Variants in RIPOR2 observed in about 807,000 individuals in gnomAD.
The protein encoded by RIPOR2 is RHO family interacting cell polarization regulator 2, also known as rho family-interacting cell polarization regulator 2.
A neutral mutation model predicts 114.5 loss-of-function variants in RIPOR2; 39 were observed. The ratio of observed to expected loss-of-function variants is 0.34; its 90% CI spans 0.26 to 0.44. RIPOR2 has a LOEUF of 0.44. Among genes scored for constraint, RIPOR2 ranks in the 20% least tolerant of loss-of-function variants. The pLI is 1.00. For synonymous variants in RIPOR2, 445 were observed against 484.4 expected (o/e 0.92, Z 1.07); for missense variants, 1,007 against 1,255.1 (o/e 0.80, Z 2.99).
chr6:24,980,596 C>G (rs1774245386), intron 1 of RIPOR2, among the ~76,000 whole-genome samples: 1 of 152,156 alleles, frequency 6.6e-6, no homozygotes, highest in South Asian at 2.1e-4. Context: ...GCCCCTCACA[C>G]CTATATGGTA....
chr6:25,008,398 G>A (rs924466708), intron 1 of RIPOR2, among the ~76,000 whole-genome samples: 1 of 152,196 alleles, frequency 6.6e-6, no homozygotes, highest in African/African-American at 2.4e-5. Flanking sequence ...CATAAGAGGG[G>A]TCAGTCAGAG....
chr6:24,807,529 T>C (rs1304998410), intron 21 of RIPOR2, among the ~76,000 whole-genome samples: 1 of 152,232 alleles, frequency 6.6e-6, no homozygotes, highest in African/African-American at 2.4e-5. Flanking sequence ...AAGTGCATTT[T>C]TGACTTAACA....
chr6:24,836,603 G>C (rs549629592), intron 14 of RIPOR2, among the ~76,000 whole-genome samples: 43 of 152,312 alleles, frequency 2.8e-4, no homozygotes, highest in African/African-American at 5.8e-4. Context: ...GATTTTGAGT[G>C]TCCTGGTTCA....
At chr6:25,023,482 G>A in intron 1 of RIPOR2, 1 of 768,482 alleles carries the variant, frequency 1.3e-6, no homozygotes, top group Non-Finnish European at 2.4e-6. Context: ...ACTTGGCGAT[G>A]CAGTGGCGGA....
intron 1 of RIPOR2, among the ~76,000 whole-genome samples, chr6:25,010,328 C>A (rs1223066786): frequency 6.6e-6 from 1 of 152,118 alleles, no homozygotes; most frequent in Non-Finnish European, 1.5e-5. Flanking sequence ...CTCCCCCTTT[C>A]CTCCTCTGTC....
intron 1 of RIPOR2, chr6:24,877,447 G>A: frequency 1.5e-6 from 1 of 649,288 alleles, no homozygotes; most frequent in Non-Finnish European, 1.9e-6. Flanking sequence ...AGCTGGGGAG[G>A]AGCAGCTTAC....
chr6:25,016,732 A>G (rs997319933), intron 1 of RIPOR2, among the ~76,000 whole-genome samples: 1 of 152,232 alleles, frequency 6.6e-6, no homozygotes, highest in Non-Finnish European at 1.5e-5. Context: ...ACATTCTTCA[A>G]AAAAGTTCTG....
intron 1 of RIPOR2, among the ~76,000 whole-genome samples, chr6:25,002,909 A>G (rs1162637930): frequency 6.6e-6 from 1 of 152,240 alleles, no homozygotes; most frequent in Non-Finnish European, 1.5e-5. Flanking sequence ...TGCAGCCGGC[A>G]ATGTGCCTTT....
At chr6:24,855,837 C>T (rs940387198) in intron 8 of RIPOR2, among the ~76,000 whole-genome samples, 1 of 152,158 alleles carries the variant, frequency 6.6e-6, no homozygotes, top group Admixed American at 6.5e-5. Context: ...AGTTTGAGAC[C>T]AACCTGGGCA....
intron 1 of RIPOR2, among the ~76,000 whole-genome samples, chr6:24,994,183 G>A (rs925870572): frequency 3.9e-5 from 6 of 152,102 alleles, no homozygotes; most frequent in Non-Finnish European, 8.8e-5. Flanking sequence ...AGGAATAAGA[G>A]GATATGAGGA....
intron 1 of RIPOR2, among the ~76,000 whole-genome samples, chr6:24,896,934 G>T (rs1408204474): frequency 6.6e-6 from 1 of 152,084 alleles, no homozygotes; most frequent in Non-Finnish European, 1.5e-5. Flanking sequence ...AATAAAGTTG[G>T]TATTAAATGT....
rs1233660777 is a variant in RIPOR2, at chr6:24,883,124, T to A, written c.62-7307A>T. Among the ~76,000 whole-genome samples the A allele has an allele frequency of 6.6e-6, 1 of 152,200 alleles. No individual in the cohort carries two copies. Among genetic ancestry groups the A allele is most frequent in the Non-Finnish European group, 1.5e-5 (1 of 68,030 alleles). On this transcript the variant is annotated intron_variant, in intron 1 of 21. Coordinates refer to ENST00000643898, the MANE Select transcript of RIPOR2 (RefSeq NM_001286445.3). This position sits in a 1 kb window ranked among gnomAD's most constrained non-coding sequence, Gnocchi z 4.1. ...TAACCCTTATGGTGTTTTCCTTTTT[T>A]AAAAATTTAACCAAACCTTCTATCG...
chr6:24,985,861 G>C (rs1774508222), intron 1 of RIPOR2, among the ~76,000 whole-genome samples: 1 of 152,126 alleles, frequency 6.6e-6, no homozygotes, highest in Non-Finnish European at 1.5e-5. Flanking sequence ...GTAGTTAATA[G>C]AATGAATGAC....
chr6:24,990,845 A>C (rs1202596786), intron 1 of RIPOR2, among the ~76,000 whole-genome samples: 2 of 152,268 alleles, frequency 1.3e-5, no homozygotes, highest in African/African-American at 4.8e-5. Context: ...GAGATCATAA[A>C]TATACACGAG....
At chr6:24,844,763 C>T (rs1434085181) in intron 12 of RIPOR2, among the ~76,000 whole-genome samples, 1 of 152,124 alleles carries the variant, frequency 6.6e-6, no homozygotes, top group African/African-American at 2.4e-5. Context: ...AGGCGTGAGC[C>T]ACCGCGCCTG....
chr6:24,995,017 C>T (rs1277165370), intron 1 of RIPOR2, among the ~76,000 whole-genome samples: 1 of 152,142 alleles, frequency 6.6e-6, no homozygotes, highest in Non-Finnish European at 1.5e-5. Context: ...TTGCTGAGGC[C>T]ACTAGGGGAT....
intron 1 of RIPOR2, among the ~76,000 whole-genome samples, chr6:24,975,423 T>C (rs959327734): frequency 6.6e-6 from 1 of 151,890 alleles, no homozygotes; most frequent in African/African-American, 2.4e-5. Flanking sequence ...GAACAGAAAA[T>C]TCAGAAAAGC....
intron 13 of RIPOR2, among the ~76,000 whole-genome samples, chr6:24,842,214 T>C (rs1429353146): frequency 6.6e-6 from 1 of 152,186 alleles, no homozygotes; most frequent in East Asian, 1.9e-4. Context: ...GCAGCAATAA[T>C]GATCTCATTA....
At chr6:24,972,824 CT>C (rs1167817760) in intron 1 of RIPOR2, among the ~76,000 whole-genome samples, 6 of 152,162 alleles carry the variant, frequency 3.9e-5, no homozygotes, top group African/African-American at 1.4e-4. Flanking sequence ...ATTTTAGAAG[CT>C]TTTTCACCCT....
Sources: gnomAD v4.1 joint callset for allele counts (sites outside exome capture counted in the v4.1 genomes callset) on GRCh38, gnomAD v4.1.1 for gene constraint, Gnocchi (gnomAD v3.1) non-coding constraint, MANE v1.5 for transcripts, NCBI Gene and HGNC (gene_info 2026-07-23, HGNC 2026-07-21) for gene names.